The following RTL4 variants were observed in gnomAD, a reference collection of about 807,000 sequenced individuals.
The protein encoded by RTL4 is retrotransposon Gag-like protein 4.
Under a neutral mutation model 5.3 loss-of-function variants are expected in RTL4, and 4 were observed. That is an observed-to-expected ratio of 0.75 (90% CI 0.37 to 1.72). The LOEUF (loss-of-function observed/expected upper bound fraction) is 1.72. RTL4 is among the 40% of genes most tolerant of loss of function. The pLI, the probability that RTL4 is intolerant of heterozygous loss-of-function variation, is 0.04. For missense variants in RTL4, 260 were observed against 227.1 expected (o/e 1.14, Z -0.93); for synonymous variants, 98 against 87.3 (o/e 1.12, Z -0.68).
the RTL4 span, among the ~76,000 whole-genome samples, chrX:112,236,425 A>C: frequency 7.5e-5 from 6 of 79,923 alleles, no homozygotes; most frequent in African/African-American, 1.1e-4. Flanking sequence ...ATATCTATAT[A>C]TAGATATAGA....
chrX:112,086,469 G>A, the RTL4 span, among the ~76,000 whole-genome samples: 2 of 112,313 alleles, frequency 1.8e-5, no homozygotes, highest in Non-Finnish European at 3.8e-5. Flanking sequence ...GTGATTATGG[G>A]TTTTAACACT....
chrX:112,343,742 T>C, the RTL4 span, among the ~76,000 whole-genome samples: 1 of 111,951 alleles, frequency 8.9e-6, no homozygotes, highest in Non-Finnish European at 1.9e-5. Context: ...CACTATAATC[T>C]GGTTTAAGGA....
chrX:112,225,694 T>C, the RTL4 span, among the ~76,000 whole-genome samples: 1 of 111,598 alleles, frequency 9.0e-6, no homozygotes, highest in African/African-American at 3.3e-5. Context: ...CTCAATGAAT[T>C]AGAATTTTAG....
chrX:112,403,246 C>T, the RTL4 span, among the ~76,000 whole-genome samples: 2 of 111,992 alleles, frequency 1.8e-5, no homozygotes, highest in Non-Finnish European at 3.8e-5. Flanking sequence ...CTTTAGTAAA[C>T]AGACTATAAT....
chrX:112,180,757 A>T, the RTL4 span, among the ~76,000 whole-genome samples: 29 of 112,278 alleles, frequency 2.6e-4, no homozygotes, highest in Middle Eastern at 4.6e-3. Context: ...ATGCTTCAGG[A>T]TATCAGACTA....
chrX:112,151,901 AG>A, the RTL4 span, among the ~76,000 whole-genome samples: 1 of 112,345 alleles, frequency 8.9e-6, no homozygotes, highest in Non-Finnish European at 1.9e-5. Context: ...AAACAAAGGA[AG>A]GGGAAGTAGC....
the RTL4 span, among the ~76,000 whole-genome samples, chrX:112,130,372 G>T: frequency 9.2e-6 from 1 of 108,452 alleles, no homozygotes; most frequent in Admixed American, 1.0e-4. Flanking sequence ...ATGCAACTGT[G>T]GTAGGCCAAC....
At chrX:112,240,217 C>T in the RTL4 span, among the ~76,000 whole-genome samples, 1 of 111,406 alleles carries the variant, frequency 9.0e-6, no homozygotes, top group Non-Finnish European at 1.9e-5. Flanking sequence ...GGTGACAAGA[C>T]AAGGAACAAT....
the RTL4 span, among the ~76,000 whole-genome samples, chrX:112,213,012 T>A: frequency 9.0e-6 from 1 of 110,632 alleles, no homozygotes; most frequent in Non-Finnish European, 1.9e-5. Context: ...GTTATGGGAG[T>A]AGTAATATTT....
At chrX:112,237,036 G>T in the RTL4 span, among the ~76,000 whole-genome samples, 1 of 111,217 alleles carries the variant, frequency 9.0e-6, no homozygotes, top group African/African-American at 3.3e-5. Context: ...AAAGGAGGCA[G>T]CCCCTAGAAG....
the RTL4 span, among the ~76,000 whole-genome samples, chrX:112,274,886 A>G: frequency 8.9e-6 from 1 of 112,052 alleles, no homozygotes; most frequent in Non-Finnish European, 1.9e-5. Context: ...CATAACTGAA[A>G]CTAGCAGAGT....
At chrX:112,149,770 G>T in the RTL4 span, among the ~76,000 whole-genome samples, 5 of 111,908 alleles carry the variant, frequency 4.5e-5, no homozygotes, top group East Asian at 1.4e-3. Flanking sequence ...TTCATATGGA[G>T]TTTACAGTCA....
At chrX:112,445,047 C>T in the RTL4 span, among the ~76,000 whole-genome samples, 25 of 111,567 alleles carry the variant, frequency 2.2e-4, no homozygotes, top group South Asian at 3.0e-3. Flanking sequence ...GAACTATTAG[C>T]AAGATGAGAG....
the RTL4 span, among the ~76,000 whole-genome samples, chrX:112,227,722 T>C: frequency 9.0e-6 from 1 of 111,481 alleles, no homozygotes; most frequent in South Asian, 3.8e-4. Flanking sequence ...TAATATCGAG[T>C]GAGATTCAGG....
chrX:112,177,625 CTGTGGACTGTCTCTTCACTTTATCAGT>C, the RTL4 span, among the ~76,000 whole-genome samples: 1 of 108,836 alleles, frequency 9.2e-6, no homozygotes, highest in Non-Finnish European at 1.9e-5. Flanking sequence ...TTCTGCCGTT[CTGTGGACTGTCTCTTCACTTTATCAGT>C]TGTTTCCTTT....
the RTL4 span, among the ~76,000 whole-genome samples, chrX:112,241,704 A>G: frequency 9.0e-6 from 1 of 111,496 alleles, no homozygotes; most frequent in African/African-American, 3.3e-5. Flanking sequence ...GTTTAATTAG[A>G]TCCCATTTGT....
At chrX:112,322,260 C>T in the RTL4 span, among the ~76,000 whole-genome samples, 2 of 111,145 alleles carry the variant, frequency 1.8e-5, no homozygotes, top group Non-Finnish European at 3.8e-5. Flanking sequence ...TAACCAAGGT[C>T]ATTCTTCTTC....
chrX:112,362,628 A>G, the RTL4 span, among the ~76,000 whole-genome samples: 1 of 110,780 alleles, frequency 9.0e-6, no homozygotes, highest in Admixed American at 9.6e-5. Flanking sequence ...GTAGTAATAA[A>G]TGAGATTACA....
At chrX:112,349,067 A>G in the RTL4 span, among the ~76,000 whole-genome samples, 193 of 111,194 alleles carry the variant, frequency 1.7e-3, no homozygotes, top group African/African-American at 5.9e-3. Flanking sequence ...AACATAGTAG[A>G]TGGTAAAACT....
Sources: allele counts gnomAD v4.1 joint callset (sites outside exome capture counted in the v4.1 genomes callset), GRCh38; gene constraint gnomAD v4.1.1; transcripts MANE v1.5; gene names NCBI Gene and HGNC (gene_info 2026-07-23, HGNC 2026-07-21).